FRMD5: variants seen among roughly 807,000 people sequenced by gnomAD.
The protein encoded by FRMD5 is FERM domain-containing protein 5.
Under a neutral mutation model 69.0 loss-of-function variants are expected in FRMD5, and 20 were observed. The observed-to-expected ratio is 0.29, with a 90% CI of 0.20 to 0.42. The LOEUF is 0.42. Ranked by LOEUF, FRMD5 falls within the 10% of genes least tolerant of loss-of-function variation. The pLI is 1.00. For missense variants in FRMD5, 595 were observed against 708.6 expected, an observed-to-expected ratio of 0.84 and a Z score of 1.82; for synonymous variants, 271 against 260.1, an observed-to-expected ratio of 1.04 and a Z score of -0.40.
chr15:43,886,617 G>A (rs1310004251), intron 10 of FRMD5, among the ~76,000 whole-genome samples: 2 of 152,184 alleles, frequency 1.3e-5, no homozygotes, highest in East Asian at 1.9e-4. Context: ...ATGTGAGTCT[G>A]AAACCTGTGC....
rs1013085177 is a variant in FRMD5, at chr15:44,055,464, T to C, written c.103-131155A>G. ...GCACTATCCTCAGCTACTAAGAGGA[T>C]CTCATTTGCTTGTTGAAGCCCTGTA... On this transcript the variant is annotated intron_variant, in intron 1 of 13. Coordinates refer to ENST00000417257, the MANE Select transcript of FRMD5 (RefSeq NM_032892.5). Among the ~76,000 whole-genome samples, 6 of 152,322 alleles carry C rather than the reference T, an allele frequency of 3.9e-5. No individual in the cohort carries two copies. The East Asian group carries it at 9.6e-4, about 24-fold the overall frequency.
At chr15:44,177,841 T>C (rs557629390) in intron 1 of FRMD5, among the ~76,000 whole-genome samples, 2 of 152,288 alleles carry the variant, frequency 1.3e-5, no homozygotes, top group South Asian at 4.1e-4. Flanking sequence ...ATCAGGTTTG[T>C]GGCTGCCAGA....
intron 1 of FRMD5, among the ~76,000 whole-genome samples, chr15:44,088,298 C>A (rs1412393552): frequency 6.6e-6 from 1 of 152,122 alleles, no homozygotes; most frequent in African/African-American, 2.4e-5. Context: ...GCAGTCACTC[C>A]TCACTTTCCA....
intron 13 of FRMD5, among the ~76,000 whole-genome samples, chr15:43,880,359 C>T (rs760288313): frequency 4.6e-5 from 7 of 152,254 alleles, no homozygotes; most frequent in African/African-American, 9.6e-5. Flanking sequence ...TCGCATCCCT[C>T]GCAGCCCCTC....
intron 1 of FRMD5, among the ~76,000 whole-genome samples, chr15:44,051,818 T>G (rs12905307): frequency 0.16 from 23,748 of 152,122 alleles, 2,139 homozygotes; most frequent in South Asian, 0.33. Context: ...TAGGTTTTTA[T>G]AAGGAGGAAG....
chr15:43,938,825 T>C (rs577499959), intron 1 of FRMD5, among the ~76,000 whole-genome samples: 78 of 152,184 alleles, frequency 5.1e-4, no homozygotes, highest in Non-Finnish European at 1.0e-3. Context: ...TTTTTAGATT[T>C]TTTTTTCTTA....
At chr15:44,130,978 A>C (rs1272025109) in intron 1 of FRMD5, among the ~76,000 whole-genome samples, 1 of 152,222 alleles carries the variant, frequency 6.6e-6, no homozygotes, top group Non-Finnish European at 1.5e-5. Context: ...CAAAGGATGA[A>C]TCCAAGCCAG....
chr15:44,168,946 A>G (rs555933108), intron 1 of FRMD5, among the ~76,000 whole-genome samples: 1 of 152,270 alleles, frequency 6.6e-6, no homozygotes, highest in East Asian at 1.9e-4. Flanking sequence ...TCCTTGATCA[A>G]TATCATTTCA....
At position 43,986,472 on chromosome 15, in the gene FRMD5, T is replaced by C. The variant is rs149695920; in HGVS notation, c.103-62163A>G. On this transcript the variant is annotated intron_variant, in intron 1 of 13. Transcript: ENST00000417257. ...GTGAAGGCAAACTAATCAATGTAAA[T>C]GAGGAAAGTGGTTGTGACGAAACGT... Among the ~76,000 whole-genome samples, 50 of 152,218 alleles carry C rather than the reference T, an allele frequency of 3.3e-4. No homozygotes were observed. In the East Asian group the frequency reaches 8.5e-3, roughly 26 times the overall value.
intron 1 of FRMD5, among the ~76,000 whole-genome samples, chr15:44,116,038 C>T (rs2076863239): frequency 6.6e-6 from 1 of 152,002 alleles, no homozygotes; most frequent in South Asian, 2.1e-4. Flanking sequence ...GTTCTGTCAC[C>T]CCTATTTGAT....
At chr15:43,973,845 T>C (rs1296306467) in intron 1 of FRMD5, among the ~76,000 whole-genome samples, 1 of 150,538 alleles carries the variant, frequency 6.6e-6, no homozygotes, top group Non-Finnish European at 1.5e-5. Context: ...TTTGCGGATA[T>C]CTAGAATGCC....
chr15:44,020,130 T>C (rs1026636051), intron 1 of FRMD5, among the ~76,000 whole-genome samples: 3 of 152,152 alleles, frequency 2.0e-5, no homozygotes, highest in Non-Finnish European at 4.4e-5. Flanking sequence ...TGATATCATA[T>C]CATATCTTTT....
intron 1 of FRMD5, among the ~76,000 whole-genome samples, chr15:44,096,160 C>A (rs1478594331): frequency 7.4e-6 from 1 of 135,704 alleles, no homozygotes; most frequent in African/African-American, 2.8e-5. Context: ...GAGCCAATAT[C>A]ACGCCATTGC....
chr15:44,096,403 CTTTTT>C (rs751057566), intron 1 of FRMD5, among the ~76,000 whole-genome samples: 1 of 130,770 alleles, frequency 7.6e-6, no homozygotes. Flanking sequence ...TACGGTGTAT[CTTTTT>C]TTTTTTTTTT....
At chr15:43,897,514 A>T (rs1008486423) in intron 7 of FRMD5, among the ~76,000 whole-genome samples, 7 of 150,378 alleles carry the variant, frequency 4.7e-5, no homozygotes, top group African/African-American at 1.7e-4. Flanking sequence ...AAAAAAAAAA[A>T]AGTGAGGGGC....
intron 1 of FRMD5, among the ~76,000 whole-genome samples, chr15:43,986,011 G>A (rs533356233): frequency 3.9e-5 from 6 of 152,234 alleles, no homozygotes; most frequent in Non-Finnish European, 8.8e-5. Context: ...ATGGTTCTTA[G>A]ATGAAAGAAT....
At chr15:44,048,177 T>TACCA (rs1051504950) in intron 1 of FRMD5, among the ~76,000 whole-genome samples, 2 of 152,248 alleles carry the variant, frequency 1.3e-5, no homozygotes, top group Admixed American at 6.5e-5. Context: ...TTTCTATTCC[T>TACCA]ACCAGCAGTA....
chr15:44,047,163 A>G (rs1026187400), intron 1 of FRMD5, among the ~76,000 whole-genome samples: 3 of 151,992 alleles, frequency 2.0e-5, no homozygotes, highest in African/African-American at 7.2e-5. Context: ...AAAAAAATTA[A>G]TTGGGCATGG....
At chr15:44,158,244 T>C (rs1319879083) in intron 1 of FRMD5, among the ~76,000 whole-genome samples, 2 of 152,176 alleles carry the variant, frequency 1.3e-5, no homozygotes, top group Non-Finnish European at 2.9e-5. Flanking sequence ...GAGAACTTAG[T>C]AGCAGTTCTA....
Sources: allele counts gnomAD v4.1 joint callset (sites outside exome capture counted in the v4.1 genomes callset), GRCh38; gene constraint gnomAD v4.1.1; transcripts MANE v1.5; gene names NCBI Gene and HGNC (gene_info 2026-07-23, HGNC 2026-07-21).